TSPAN9: variants seen among roughly 807,000 people sequenced by gnomAD.
TSPAN9 encodes tetraspanin 9.
In TSPAN9, 16 loss-of-function variants were observed where a neutral mutation model predicts 31.0. That is an observed-to-expected ratio of 0.52 (90% CI 0.35 to 0.78). TSPAN9 has a LOEUF of 0.78. Ranked by LOEUF, TSPAN9 falls within the 30% of genes least tolerant of loss-of-function variation. TSPAN9 has a pLI of 0.01. For missense variants in TSPAN9, 272 were observed against 312.5 expected (o/e 0.87, Z 0.98); for synonymous variants, 145 against 121.6 (o/e 1.19, Z -1.27).
At chr12:3,080,612 A>G (rs1401277553) in intron 1 of TSPAN9, among the ~76,000 whole-genome samples, 1 of 152,212 alleles carries the variant, frequency 6.6e-6, no homozygotes, top group Non-Finnish European at 1.5e-5. Flanking sequence ...CTGGGATTAC[A>G]AGCATGAGCC....
intron 2 of TSPAN9, among the ~76,000 whole-genome samples, chr12:3,194,382 G>C (rs552574810): frequency 2.0e-4 from 31 of 152,012 alleles, no homozygotes; most frequent in Non-Finnish European, 3.7e-4. Flanking sequence ...GCCAAACCCT[G>C]CTTGTTTTTT....
intron 2 of TSPAN9, among the ~76,000 whole-genome samples, chr12:3,140,405 C>T (rs555151528): frequency 1.2e-4 from 19 of 152,134 alleles, no homozygotes; most frequent in Non-Finnish European, 2.1e-4. Flanking sequence ...ATGTGTGGTG[C>T]GAAACAGGTC....
intron 3 of TSPAN9, among the ~76,000 whole-genome samples, chr12:3,223,430 C>G (rs535540369): frequency 1.3e-5 from 2 of 152,190 alleles, no homozygotes; most frequent in Non-Finnish European, 2.9e-5. Flanking sequence ...GGACAGGGAC[C>G]TCGTTTGTTC....
intron 3 of TSPAN9, among the ~76,000 whole-genome samples, chr12:3,266,414 G>A (rs1317888036): frequency 3.9e-5 from 6 of 152,176 alleles, no homozygotes; most frequent in East Asian, 1.9e-4. Context: ...ATCGGCACTC[G>A]TCCACAGCCA....
intron 3 of TSPAN9, among the ~76,000 whole-genome samples, chr12:3,245,015 C>T (rs1225724022): frequency 6.6e-6 from 1 of 152,206 alleles, no homozygotes; most frequent in East Asian, 1.9e-4. Flanking sequence ...TTTCCAAGGA[C>T]TCTGTAGCAG....
chr12:3,086,706 G>A (rs1436665288), intron 2 of TSPAN9, among the ~76,000 whole-genome samples: 1 of 152,220 alleles, frequency 6.6e-6, no homozygotes, highest in Non-Finnish European at 1.5e-5. Context: ...CCTTGGCCTT[G>A]GCCTTAGTAG....
chr12:3,118,598 T>G (rs2098323682), intron 2 of TSPAN9, among the ~76,000 whole-genome samples: 1 of 151,662 alleles, frequency 6.6e-6, no homozygotes. Context: ...GGAACAGGGA[T>G]ACTTATTTTA....
chr12:3,280,503 G>A lies in TSPAN9; in HGVS notation c.432+20G>A, dbSNP rs1157946555. 1 of 1,605,414 alleles carries A rather than the reference G, an allele frequency of 6.2e-7. No homozygotes were observed. The highest frequency in any genetic ancestry group is 8.5e-7 in the Non-Finnish European group (1 of 1,177,494). On this transcript the variant is annotated intron_variant, in intron 6 of 8. Transcript: ENST00000011898. This position sits in a 1 kb window ranked among gnomAD's most constrained non-coding sequence, Gnocchi z 4.5. ...GCTGAGGTGCGGGCTGGGCCGCCCT[G>A]GTGGGGCCAGGCAGGGAGGAGGGGT...
intron 4 of TSPAN9, 59 bp downstream of exon 4, chr12:3,278,671 C>G (rs143566167): frequency 1.9e-6 from 3 of 1,573,586 alleles, no homozygotes; most frequent in African/African-American, 1.4e-5. Context: ...ACTTGGACCC[C>G]TGGGACAGGC....
intron 2 of TSPAN9, among the ~76,000 whole-genome samples, chr12:3,089,502 G>C (rs183402757): frequency 1.3e-5 from 2 of 151,594 alleles, no homozygotes; most frequent in African/African-American, 4.8e-5. Flanking sequence ...TTACCGTGTT[G>C]GCCAGGGTGG....
intron 3 of TSPAN9, among the ~76,000 whole-genome samples, chr12:3,228,657 T>A (rs574817575): frequency 6.6e-6 from 1 of 152,348 alleles, no homozygotes; most frequent in Admixed American, 6.5e-5. Context: ...CTCCTTTCAG[T>A]CTCAGCGTGA....
intron 3 of TSPAN9, among the ~76,000 whole-genome samples, chr12:3,253,136 G>T (rs1337956789): frequency 1.3e-5 from 2 of 152,118 alleles, no homozygotes; most frequent in African/African-American, 4.8e-5. Flanking sequence ...CACGTTCTGG[G>T]ATGGCTACAG....
At chr12:3,154,863 A>G (rs546084395) in intron 2 of TSPAN9, among the ~76,000 whole-genome samples, 7 of 152,360 alleles carry the variant, frequency 4.6e-5, no homozygotes, top group Non-Finnish European at 8.8e-5. Context: ...ACTACATGGC[A>G]TTAGGGTGCC....
intron 2 of TSPAN9, among the ~76,000 whole-genome samples, chr12:3,135,746 G>T (rs1370020723): frequency 6.6e-6 from 1 of 152,176 alleles, no homozygotes; most frequent in Admixed American, 6.5e-5. Flanking sequence ...ATGGCATGGG[G>T]ACTCAAATTC....
chr12:3,106,332 TAGAG>T (rs373925979), intron 2 of TSPAN9, among the ~76,000 whole-genome samples: 82 of 152,284 alleles, frequency 5.4e-4, no homozygotes, highest in Admixed American at 1.1e-3. Flanking sequence ...TCTTGTATAA[TAGAG>T]AGAGCTTGGA....
intron 2 of TSPAN9, among the ~76,000 whole-genome samples, chr12:3,140,235 ATGT>A (rs1345225058): frequency 6.6e-6 from 1 of 152,020 alleles, no homozygotes; most frequent in Non-Finnish European, 1.5e-5. Context: ...CTGACATTTT[ATGT>A]TGTTTAGTGT....
At position 3,238,047 on chromosome 12, in the gene TSPAN9, C is replaced by T. The variant is rs566206540; in HGVS notation, c.63+36791C>T. Among the ~76,000 whole-genome samples the T allele has an allele frequency of 2.0e-5, 3 of 152,288 alleles. No individual in the cohort carries two copies. In the East Asian group the frequency reaches 5.8e-4, roughly 29 times the overall value. ...CTCTACCTTCCTCTCCTCTTCCTTCCCTCCTCTTCCCTCCCCAGTCATCCT... is the reference window on the plus strand; with the variant it reads ...CTCTACCTTCCTCTCCTCTTCCTTCTCTCCTCTTCCCTCCCCAGTCATCCT... On this transcript the variant is annotated intron_variant, in intron 3 of 8. Coordinates refer to ENST00000011898, the MANE Select transcript of TSPAN9 (RefSeq NM_006675.5).
chr12:3,249,330 ACTTCCTGCCCGCATGGCTCCTGCTTTC>A (rs1378378361), intron 3 of TSPAN9, among the ~76,000 whole-genome samples: 6 of 151,732 alleles, frequency 4.0e-5, no homozygotes, highest in Non-Finnish European at 5.9e-5. Context: ...TTCCTGTCCC[ACTTCCTGCCCGCATGGCTCCTGCTTTC>A]CTTCCTGCCC....
chr12:3,281,592 A>G, intron 7 of TSPAN9, 142 bp from the exon 8 acceptor site: 1 of 1,116,358 alleles, frequency 9.0e-7, no homozygotes, highest in Non-Finnish European at 1.3e-6. Context: ...GGCTGCGCCA[A>G]GGGATGGGGA....
Sources: allele counts gnomAD v4.1 joint callset (sites outside exome capture counted in the v4.1 genomes callset), GRCh38; gene constraint gnomAD v4.1.1; non-coding constraint Gnocchi (gnomAD v3.1); transcripts MANE v1.5; gene names NCBI Gene and HGNC (gene_info 2026-07-23, HGNC 2026-07-21).